Variants in COL5A2 observed in about 807,000 individuals in gnomAD.
The protein encoded by COL5A2 is collagen type V alpha 2 chain.
In COL5A2, 23 loss-of-function variants were observed where a neutral mutation model predicts 208.2. That is an observed-to-expected ratio of 0.11 (90% CI 0.08 to 0.16). COL5A2 has a LOEUF of 0.16. Among genes scored for constraint, COL5A2 ranks in the 10% least tolerant of loss-of-function variants. The pLI, the probability that COL5A2 is intolerant of heterozygous loss-of-function variation, is 1.00. For synonymous variants in COL5A2, 625 were observed against 628.5 expected (o/e 0.99, Z 0.08); for missense variants, 1,590 against 1,956.4 (o/e 0.81, Z 3.53).
chr2:189,406,118 G>A, the COL5A2 span, among the ~76,000 whole-genome samples: 1 of 152,114 alleles, frequency 6.6e-6, no homozygotes, highest in African/African-American at 2.4e-5. Context: ...TTTTTACTAA[G>A]TGAATGACTA....
intron 40 of COL5A2, 26 bp downstream of exon 40, chr2:189,052,723 C>G (rs1459440103): frequency 6.2e-7 from 1 of 1,609,042 alleles, no homozygotes; most frequent in Non-Finnish European, 8.5e-7. Context: ...GCTGTGCATA[C>G]TTTGCAGAGC....
At chr2:189,057,909 T>G (rs1161375188) in intron 33 of COL5A2, among the ~76,000 whole-genome samples, 4 of 152,228 alleles carry the variant, frequency 2.6e-5, no homozygotes, top group Non-Finnish European at 5.9e-5. Flanking sequence ...TGAAAAATTC[T>G]ACTTCAATTG....
chr2:189,271,288 T>C, the COL5A2 span, among the ~76,000 whole-genome samples: 4 of 152,210 alleles, frequency 2.6e-5, no homozygotes, highest in South Asian at 8.3e-4. Context: ...CAAAACAGAA[T>C]GGTACTAGTA....
chr2:189,276,025 T>C, the COL5A2 span, among the ~76,000 whole-genome samples: 1 of 152,186 alleles, frequency 6.6e-6, no homozygotes, highest in Non-Finnish European at 1.5e-5. Flanking sequence ...TTGCATGAGG[T>C]TTAACATTAT....
chr2:189,085,218 T>C lies in COL5A2; in HGVS notation c.745-5A>G. ...TCCACGTGAACCAATCGGACCCTAATAACAGAACAAAACAAAAGGAAAAAA... is the reference window on the plus strand; with the variant it reads ...TCCACGTGAACCAATCGGACCCTAACAACAGAACAAAACAAAAGGAAAAAA... On this transcript the variant is annotated splice_polypyrimidine_tract_variant and splice_region_variant and intron_variant, in intron 10 of 53. Coordinates refer to ENST00000374866, the MANE Select transcript of COL5A2 (RefSeq NM_000393.5). The C allele has an allele frequency of 6.2e-7, 1 of 1,608,738 alleles. No individual in the cohort carries two copies. The highest frequency in any genetic ancestry group is 8.5e-7 in the Non-Finnish European group (1 of 1,177,076).
At chr2:189,150,041 C>A (rs373469503) in intron 1 of COL5A2, among the ~76,000 whole-genome samples, 11 of 152,026 alleles carry the variant, frequency 7.2e-5, no homozygotes, top group African/African-American at 2.7e-4. Context: ...TTTTATGTGA[C>A]CCTCAGTTGT....
intron 1 of COL5A2, among the ~76,000 whole-genome samples, chr2:189,130,755 C>A (rs1687694010): frequency 6.6e-6 from 1 of 151,862 alleles, no homozygotes; most frequent in African/African-American, 2.4e-5. Context: ...AACCAGTCTA[C>A]AAACCTACCT....
chr2:189,179,425 C>T (rs1449341754), intron 1 of COL5A2, 83 bp downstream of exon 1: 1 of 1,493,726 alleles, frequency 6.7e-7, no homozygotes, highest in Non-Finnish European at 9.2e-7. Context: ...ACCTCCTCTT[C>T]ACGCTCTTCC....
the COL5A2 span, among the ~76,000 whole-genome samples, chr2:189,354,570 G>T: frequency 2.6e-5 from 4 of 152,272 alleles, no homozygotes; most frequent in East Asian, 5.8e-4. Context: ...TTGCATAGAG[G>T]TGTTTATAAT....
chr2:189,426,289 G>T, the COL5A2 span, among the ~76,000 whole-genome samples: 1 of 152,164 alleles, frequency 6.6e-6, no homozygotes, highest in Admixed American at 6.5e-5. Context: ...GCTGGGAACT[G>T]CTTAGGACTG....
At chr2:189,083,876 T>C in intron 12 of COL5A2, 108 bp downstream of exon 12, 1 of 838,744 alleles carries the variant, frequency 1.2e-6, no homozygotes, top group Non-Finnish European at 2.0e-6. Flanking sequence ...AACAATGCTG[T>C]TTGTCTCCAT....
At chr2:189,341,000 C>A in the COL5A2 span, among the ~76,000 whole-genome samples, 66 of 152,212 alleles carry the variant, frequency 4.3e-4, no homozygotes, top group East Asian at 0.012. Flanking sequence ...TTACAATATA[C>A]GAGCACTCTA....
chr2:189,381,050 A>G, the COL5A2 span, among the ~76,000 whole-genome samples: 6 of 152,098 alleles, frequency 3.9e-5, no homozygotes, highest in Non-Finnish European at 5.9e-5. Flanking sequence ...AATTACAGCT[A>G]TAGAACTAAA....
the COL5A2 span, among the ~76,000 whole-genome samples, chr2:189,380,788 C>T: frequency 6.6e-6 from 1 of 151,888 alleles, no homozygotes; most frequent in African/African-American, 2.4e-5. Context: ...AGAACAGTAT[C>T]TACAAAATTC....
At chr2:189,048,674 G>A (rs758757480) in intron 44 of COL5A2, among the ~76,000 whole-genome samples, 3 of 152,006 alleles carry the variant, frequency 2.0e-5, no homozygotes, top group Non-Finnish European at 2.9e-5. Flanking sequence ...TTAAGAAATA[G>A]TCTTCCTTTT....
the COL5A2 span, among the ~76,000 whole-genome samples, chr2:189,291,286 G>A: frequency 1.7e-4 from 26 of 152,206 alleles, no homozygotes; most frequent in African/African-American, 6.3e-4. Context: ...AGAGAAGGCT[G>A]AAAGGTTAAA....
the COL5A2 span, among the ~76,000 whole-genome samples, chr2:189,241,803 A>G: frequency 4.6e-5 from 7 of 152,214 alleles, no homozygotes; most frequent in African/African-American, 1.7e-4. Context: ...GTGATATTTT[A>G]AAGATTATTG....
chr2:189,214,144 TAA>T (rs1266947389), intron 1 of COL5A2, among the ~76,000 whole-genome samples: 1 of 152,124 alleles, frequency 6.6e-6, no homozygotes, highest in East Asian at 1.9e-4. Flanking sequence ...CAAAAAACCT[TAA>T]AAATATAGAT....
chr2:189,096,744 A>G (rs1051770873), intron 6 of COL5A2, among the ~76,000 whole-genome samples: 1 of 152,070 alleles, frequency 6.6e-6, no homozygotes, highest in Non-Finnish European at 1.5e-5. Context: ...CTCATGTTTT[A>G]TCTCAAAGAT....
Sources: gnomAD v4.1 joint callset for allele counts (sites outside exome capture counted in the v4.1 genomes callset) on GRCh38, gnomAD v4.1.1 for gene constraint, MANE v1.5 for transcripts, NCBI Gene and HGNC (gene_info 2026-07-23, HGNC 2026-07-21) for gene names.